The following FGGY variants were observed in gnomAD, a reference collection of about 807,000 sequenced individuals.
FGGY encodes FGGY carbohydrate kinase domain containing.
FGGY carries 72 observed loss-of-function variants against 71.3 expected under a neutral mutation model. The observed-to-expected ratio is 1.01, with a 90% confidence interval of 0.84 to 1.23. The LOEUF is 1.23. Among genes scored for constraint, FGGY ranks in the 50% most tolerant of loss-of-function variants. FGGY has a pLI of 0.00. For synonymous variants in FGGY, 251 were observed against 250.3 expected (o/e 1.00, Z -0.02); for missense variants, 668 against 682.3 (o/e 0.98, Z 0.23).
intron 4 of FGGY, among the ~76,000 whole-genome samples, chr1:59,356,570 T>C (rs1408363168): frequency 1.3e-5 from 2 of 152,186 alleles, no homozygotes; most frequent in African/African-American, 4.8e-5. Context: ...TCCAGAGCAA[T>C]GTTTAAATTC....
At chr1:59,375,879 GTTT>G (rs770578651) in intron 4 of FGGY, among the ~76,000 whole-genome samples, 16 of 99,350 alleles carry the variant, frequency 1.6e-4, no homozygotes, top group African/African-American at 3.3e-4. Flanking sequence ...ATCTAAAGTA[GTTT>G]TTTTTTTTTT....
chr1:59,516,608 G>C (rs766801490), intron 7 of FGGY, among the ~76,000 whole-genome samples: 2 of 152,300 alleles, frequency 1.3e-5, no homozygotes, highest in Non-Finnish European at 2.9e-5. Context: ...CAGAATGCAG[G>C]ATTCACTACT....
At chr1:59,752,356 T>A (rs912715607) in intron 14 of FGGY, among the ~76,000 whole-genome samples, 1 of 152,196 alleles carries the variant, frequency 6.6e-6, no homozygotes, top group Non-Finnish European at 1.5e-5. Context: ...GGAGTTCATA[T>A]ATAGCTTGTT....
At chr1:59,563,394 TA>T (rs1396702763) in intron 8 of FGGY, among the ~76,000 whole-genome samples, 4 of 152,188 alleles carry the variant, frequency 2.6e-5, no homozygotes, top group Admixed American at 6.5e-5. Context: ...TGTGACGGGT[TA>T]CACCAATAAT....
chr1:59,484,672 T>C (rs1371828911), intron 6 of FGGY, among the ~76,000 whole-genome samples: 1 of 152,194 alleles, frequency 6.6e-6, no homozygotes, highest in Non-Finnish European at 1.5e-5. Flanking sequence ...ACTCAGATTA[T>C]TGATAATCCA....
intron 8 of FGGY, among the ~76,000 whole-genome samples, chr1:59,558,518 G>A (rs1446878442): frequency 6.6e-6 from 1 of 152,044 alleles, no homozygotes; most frequent in African/African-American, 2.4e-5. Flanking sequence ...GCAAGAACAG[G>A]GAGTAGGTCA....
At chr1:59,537,992 C>G (rs1340466842) in intron 7 of FGGY, among the ~76,000 whole-genome samples, 1 of 152,068 alleles carries the variant, frequency 6.6e-6, no homozygotes, top group Non-Finnish European at 1.5e-5. Context: ...CCAAAATTGA[C>G]AAATGGGATC....
chr1:59,625,450 G>A (rs557205372), intron 9 of FGGY, among the ~76,000 whole-genome samples: 1 of 152,124 alleles, frequency 6.6e-6, no homozygotes, highest in East Asian at 1.9e-4. Flanking sequence ...CAGGTCTGGG[G>A]CATCTCAATT....
intron 8 of FGGY, among the ~76,000 whole-genome samples, chr1:59,558,229 A>T (rs1424123934): frequency 6.6e-6 from 1 of 152,220 alleles, no homozygotes; most frequent in Non-Finnish European, 1.5e-5. Context: ...GTTATTAAAA[A>T]TGAGTTGTTA....
At chr1:59,659,450 TTAATTTTATAATGTGATAA>T (rs1362012642) in intron 11 of FGGY, among the ~76,000 whole-genome samples, 1 of 152,188 alleles carries the variant, frequency 6.6e-6, no homozygotes. Flanking sequence ...TGTTGGTGAA[TTAATTTTATAATGTGATAA>T]TCTAAAGTGA....
intron 15 of FGGY, among the ~76,000 whole-genome samples, chr1:59,759,267 C>T (rs2098321589): frequency 6.6e-6 from 1 of 152,128 alleles, no homozygotes. Flanking sequence ...TCCTTTAACT[C>T]CACATAGAGT....
intron 5 of FGGY, among the ~76,000 whole-genome samples, chr1:59,421,266 G>C (rs2065361738): frequency 6.6e-6 from 1 of 152,242 alleles, no homozygotes; most frequent in South Asian, 2.1e-4. Context: ...GTAAAACATA[G>C]GAGGCATATA....
chr1:59,692,863 A>G (rs958127218), intron 14 of FGGY, among the ~76,000 whole-genome samples: 2 of 152,146 alleles, frequency 1.3e-5, no homozygotes, highest in Non-Finnish European at 2.9e-5. Context: ...TAGACTAATC[A>G]TGCTATGGTC....
intron 14 of FGGY, among the ~76,000 whole-genome samples, chr1:59,719,929 G>T (rs1166341321): frequency 2.0e-5 from 3 of 152,196 alleles, no homozygotes. Context: ...TTAAGTTCAA[G>T]TCCCCACTAT....
At chr1:59,562,865 A>G (rs1344582380) in intron 8 of FGGY, among the ~76,000 whole-genome samples, 1 of 152,200 alleles carries the variant, frequency 6.6e-6, no homozygotes, top group East Asian at 1.9e-4. Flanking sequence ...AACTTTCCAA[A>G]TCAGACATCT....
chr1:59,302,544 T>C (rs1468763838), intron 1 of FGGY, among the ~76,000 whole-genome samples: 3 of 152,138 alleles, frequency 2.0e-5, no homozygotes, highest in Non-Finnish European at 4.4e-5. Flanking sequence ...AACATTATCC[T>C]GAGCCAGCTA....
intron 5 of FGGY, among the ~76,000 whole-genome samples, chr1:59,421,109 A>G (rs1017308102): frequency 6.6e-6 from 1 of 152,210 alleles, no homozygotes; most frequent in Non-Finnish European, 1.5e-5. Context: ...TAGGTGGACC[A>G]GTTTCTTTGA....
intron 8 of FGGY, among the ~76,000 whole-genome samples, chr1:59,564,651 G>A (rs1482252694): frequency 6.6e-6 from 1 of 152,240 alleles, no homozygotes; most frequent in East Asian, 1.9e-4. Context: ...TGGTGATAAT[G>A]TGGGGAACTG....
intron 3 of FGGY, among the ~76,000 whole-genome samples, chr1:59,341,311 G>A (rs112240299): frequency 2.0e-5 from 3 of 152,320 alleles, no homozygotes; most frequent in African/African-American, 7.2e-5. Flanking sequence ...TAAGTTAAGA[G>A]AATATTCCGG....
Sources: gnomAD v4.1 joint callset for allele counts (sites outside exome capture counted in the v4.1 genomes callset) on GRCh38, gnomAD v4.1.1 for gene constraint, MANE v1.5 for transcripts, NCBI Gene and HGNC (gene_info 2026-07-23, HGNC 2026-07-21) for gene names.